The following ERI3 variants were observed in gnomAD, a reference collection of about 807,000 sequenced individuals.
ERI3 encodes ERI1 exoribonuclease family member 3.
In ERI3, 18 loss-of-function variants were observed where a neutral mutation model predicts 44.4. The ratio of observed to expected loss-of-function variants is 0.41; its 90% CI spans 0.28 to 0.60. ERI3 has a LOEUF of 0.60. Among genes scored for constraint, ERI3 ranks in the 20% least tolerant of loss-of-function variants. ERI3 has a pLI of 0.36. For missense variants in ERI3, 294 were observed against 435.5 expected, an observed-to-expected ratio of 0.68 and a Z score of 2.89; for synonymous variants, 183 against 164.8, an observed-to-expected ratio of 1.11 and a Z score of -0.84.
chr1:44,267,464 C>T (rs182401829), intron 7 of ERI3, among the ~76,000 whole-genome samples: 2 of 152,276 alleles, frequency 1.3e-5, no homozygotes, highest in Admixed American at 1.3e-4. Flanking sequence ...TAAAATAAAA[C>T]ACAAACACCC....
intron 4 of ERI3, among the ~76,000 whole-genome samples, chr1:44,317,205 C>T (rs982841530): frequency 6.6e-6 from 1 of 152,004 alleles, no homozygotes; most frequent in African/African-American, 2.4e-5. Context: ...AGAGAAAATC[C>T]TGCCAGAGGA....
intron 5 of ERI3, among the ~76,000 whole-genome samples, chr1:44,309,574 AC>A (rs1645910115): frequency 6.6e-6 from 1 of 151,874 alleles, no homozygotes. Context: ...AGGGAGTCAC[AC>A]CACTGCTTCT....
At chr1:44,351,260 C>T (rs1159207707) in intron 2 of ERI3, among the ~76,000 whole-genome samples, 10 of 152,098 alleles carry the variant, frequency 6.6e-5, no homozygotes, top group Non-Finnish European at 1.3e-4. Flanking sequence ...TCTCAAACTC[C>T]TGACGTCAAG....
chr1:44,247,796 C>G (rs573646841), intron 8 of ERI3, 143 bp downstream of exon 8: 7 of 576,210 alleles, frequency 1.2e-5, no homozygotes, highest in South Asian at 1.1e-4. Context: ...ATGCCACCCC[C>G]CTTCCACCAT....
chr1:44,298,779 G>A (rs776559980), intron 6 of ERI3, among the ~76,000 whole-genome samples: 9 of 152,164 alleles, frequency 5.9e-5, no homozygotes, highest in Non-Finnish European at 1.3e-4. Context: ...CTAGCTGGGC[G>A]CAGTGGCATG....
intron 7 of ERI3, among the ~76,000 whole-genome samples, chr1:44,280,040 A>G (rs952948391): frequency 3.9e-5 from 6 of 152,172 alleles, no homozygotes; most frequent in Non-Finnish European, 8.8e-5. Flanking sequence ...TATGGACCAC[A>G]TTCATCTGGT....
At chr1:44,233,267 TCAA>T (rs1182834987) in intron 8 of ERI3, among the ~76,000 whole-genome samples, 1 of 151,966 alleles carries the variant, frequency 6.6e-6, no homozygotes, top group African/African-American at 2.4e-5. Flanking sequence ...TCCCCTGCCC[TCAA>T]CATCACCCCA....
At chr1:44,239,834 G>C (rs1050448146) in intron 8 of ERI3, among the ~76,000 whole-genome samples, 2 of 152,202 alleles carry the variant, frequency 1.3e-5, no homozygotes, top group African/African-American at 4.8e-5. Context: ...GCTGAAGGGA[G>C]GCTTTGAGGC....
chr1:44,238,372 C>T lies in ERI3; in HGVS notation c.931+9567G>A, dbSNP rs112920464. The stretch of plus-strand genomic sequence containing the variant: ...TCGCAGGCTGCAGTGATAATCCCTG[C>T]GGAGAGTAAGGGCCGGCCTGGGTGT... On this transcript the variant is annotated intron_variant, in intron 8 of 8. Transcript: ENST00000372257. Among the ~76,000 whole-genome samples the T allele has an allele frequency of 5.4e-3, 823 of 152,154 alleles. 7 individuals are homozygous for T. Among genetic ancestry groups the T allele is most frequent in the African/African-American group, 0.019 (774 of 41,512 alleles).
chr1:44,290,015 A>G (rs1645472795), intron 6 of ERI3, among the ~76,000 whole-genome samples: 1 of 152,260 alleles, frequency 6.6e-6, no homozygotes, highest in Admixed American at 6.5e-5. Context: ...ACTTAGGGGC[A>G]GACCCAACTC....
At chr1:44,312,230 T>A (rs1011183045) in intron 5 of ERI3, among the ~76,000 whole-genome samples, 4 of 152,224 alleles carry the variant, frequency 2.6e-5, no homozygotes, top group Non-Finnish European at 5.9e-5. Context: ...CCAGTGCAGA[T>A]GTGCCCTGCT....
At chr1:44,304,087 G>T (rs1645782403) in intron 6 of ERI3, among the ~76,000 whole-genome samples, 1 of 152,102 alleles carries the variant, frequency 6.6e-6, no homozygotes, top group Non-Finnish European at 1.5e-5. Flanking sequence ...GAATGATGGA[G>T]GACAGGGTGT....
At chr1:44,284,726 AC>A (rs1645356720) in intron 7 of ERI3, 108 bp downstream of exon 7, 2 of 811,018 alleles carry the variant, frequency 2.5e-6, no homozygotes, top group Non-Finnish European at 4.1e-6. Context: ...AAAGAGAAGA[AC>A]AAAAAGAAAA....
chr1:44,224,265 C>T (rs1015400748), intron 8 of ERI3, among the ~76,000 whole-genome samples: 7 of 152,300 alleles, frequency 4.6e-5, no homozygotes, highest in African/African-American at 1.7e-4. Context: ...CCTTCAGTGG[C>T]TCTCCTTGCC....
intron 7 of ERI3, among the ~76,000 whole-genome samples, chr1:44,260,410 G>A (rs1436462719): frequency 1.3e-5 from 2 of 152,208 alleles, no homozygotes; most frequent in Non-Finnish European, 2.9e-5. Context: ...GGAGTGTGAG[G>A]AGGACCCTAA....
intron 2 of ERI3, among the ~76,000 whole-genome samples, chr1:44,342,810 CTAATATAT>C (rs1646682212): frequency 2.3e-5 from 1 of 42,850 alleles, no homozygotes; most frequent in Admixed American, 3.5e-4. Flanking sequence ...CCACATCCAG[CTAATATAT>C]ATATATATAT....
At chr1:44,306,910 G>A (rs1645847968) in intron 6 of ERI3, among the ~76,000 whole-genome samples, 1 of 152,134 alleles carries the variant, frequency 6.6e-6, no homozygotes, top group Non-Finnish European at 1.5e-5. Context: ...AGCTTCTCTT[G>A]GGCTACAGAA....
chr1:44,232,571 T>C (rs1287922709), intron 8 of ERI3, among the ~76,000 whole-genome samples: 1 of 152,312 alleles, frequency 6.6e-6, no homozygotes, highest in East Asian at 1.9e-4. Context: ...ATTCTCGGCA[T>C]GTGGTTTCCA....
At chr1:44,344,106 G>T (rs547599587) in intron 2 of ERI3, among the ~76,000 whole-genome samples, 1 of 151,934 alleles carries the variant, frequency 6.6e-6, no homozygotes, top group Admixed American at 6.5e-5. Flanking sequence ...AGGCATGGTA[G>T]CACACCCCTG....
Sources: allele counts gnomAD v4.1 joint callset (sites outside exome capture counted in the v4.1 genomes callset), GRCh38; gene constraint gnomAD v4.1.1; transcripts MANE v1.5; gene names NCBI Gene and HGNC (gene_info 2026-07-23, HGNC 2026-07-21).